Variants in IFT122 observed in about 807,000 individuals in gnomAD.
IFT122 encodes intraflagellar transport 122.
Under a neutral mutation model 161.6 loss-of-function variants are expected in IFT122, and 118 were observed. That is an observed-to-expected ratio of 0.73 (90% CI 0.63 to 0.85). The LOEUF is 0.85. Ranked by LOEUF, IFT122 falls within the 40% of genes least tolerant of loss-of-function variation. IFT122 has a pLI of 0.00. For missense variants in IFT122, 1,381 were observed against 1,579.6 expected, an observed-to-expected ratio of 0.87 and a Z score of 2.13; for synonymous variants, 550 against 602.4, an observed-to-expected ratio of 0.91 and a Z score of 1.27.
At position 129,519,752 on chromosome 3, in the gene IFT122, G is replaced by A; in HGVS notation, c.3636+20G>A. On this transcript the variant is annotated intron_variant, in intron 29 of 29. Coordinates refer to ENST00000348417, the MANE Select transcript of IFT122 (RefSeq NM_052989.3). ...TTCCAGGTAGGTGGCCACCCTGGTA[G>A]CTCACATGTGCTTCTCTTGGCCACT... 1 of 1,612,746 alleles carries A rather than the reference G, an allele frequency of 6.2e-7. No homozygotes were observed. Among genetic ancestry groups the A allele is most frequent in the Middle Eastern group, 1.6e-4 (1 of 6,062 alleles).
chr3:129,502,346 T>C (rs758447639), intron 19 of IFT122, among the ~76,000 whole-genome samples: 1 of 152,212 alleles, frequency 6.6e-6, no homozygotes, highest in African/African-American at 2.4e-5. Context: ...ATCTGAGAGA[T>C]GGAAATAATC....
chr3:129,460,501 C>A (rs1360138000), intron 4 of IFT122, among the ~76,000 whole-genome samples: 1 of 151,826 alleles, frequency 6.6e-6, no homozygotes, highest in Admixed American at 6.6e-5. Context: ...CTCAAGCAAT[C>A]CTTCTCCCTT....
intron 20 of IFT122, among the ~76,000 whole-genome samples, chr3:129,503,285 A>G (rs548070001): frequency 2.6e-5 from 4 of 152,328 alleles, no homozygotes; most frequent in African/African-American, 9.6e-5. Flanking sequence ...ATTTTGGCAG[A>G]AAGCACCATC....
chr3:129,454,554 T>TGTGTGTGTGTGC (rs1263418566), intron 3 of IFT122, among the ~76,000 whole-genome samples: 2 of 150,098 alleles, frequency 1.3e-5, no homozygotes, highest in African/African-American at 2.5e-5. Context: ...TGTGTGTGTG[T>TGTGTGTGTGTGC]GTGCATGTTT....
At chr3:129,477,897 A>C (rs1269003558) in intron 11 of IFT122, 119 bp from the exon 12 acceptor site, 1 of 815,946 alleles carries the variant, frequency 1.2e-6, no homozygotes, top group African/African-American at 1.7e-5. Context: ...AAGATTTTTC[A>C]ATGAGAGTAT....
At chr3:129,492,076 T>C (rs376626939) in intron 16 of IFT122, 65 bp from the exon 17 acceptor site, 2 of 1,243,620 alleles carry the variant, frequency 1.6e-6, no homozygotes, top group Non-Finnish European at 2.4e-6. Context: ...TTCCCACCCC[T>C]AGCCAATCAC....
intron 26 of IFT122, 127 bp downstream of exon 26, chr3:129,515,726 G>A (rs1337224173): frequency 1.5e-5 from 12 of 826,118 alleles, no homozygotes; most frequent in Non-Finnish European, 2.3e-5. Context: ...TTTATGAAAT[G>A]AGGACACTCT....
chr3:129,467,871 A>G (rs1228879214), intron 8 of IFT122, among the ~76,000 whole-genome samples: 2 of 152,204 alleles, frequency 1.3e-5, no homozygotes, highest in East Asian at 1.9e-4. Flanking sequence ...GGAGGAAGGT[A>G]TGGCTTTGGG....
intron 17 of IFT122, among the ~76,000 whole-genome samples, chr3:129,493,864 G>A (rs1422797215): frequency 1.3e-5 from 2 of 152,142 alleles, no homozygotes; most frequent in Middle Eastern, 3.2e-3. Context: ...TCAAAATGTA[G>A]TCCTCTCCTC....
intron 20 of IFT122, 57 bp downstream of exon 20, chr3:129,502,939 C>T (rs915131522): frequency 1.1e-5 from 17 of 1,562,222 alleles, no homozygotes; most frequent in Admixed American, 5.1e-5. Flanking sequence ...GGGACACAGG[C>T]GGGTGGGTAC....
At chr3:129,441,603 A>G (rs1457224842) in intron 1 of IFT122, among the ~76,000 whole-genome samples, 1 of 152,164 alleles carries the variant, frequency 6.6e-6, no homozygotes, top group African/African-American at 2.4e-5. Context: ...CTCAGCCACT[A>G]CATTAATTTT....
At chr3:129,467,377 C>A (rs2076920995) in intron 8 of IFT122, among the ~76,000 whole-genome samples, 1 of 152,110 alleles carries the variant, frequency 6.6e-6, no homozygotes, top group Non-Finnish European at 1.5e-5. Context: ...TTCGTGTGTT[C>A]ATATAATTAA....
At chr3:129,477,704 T>C (rs72988851) in intron 11 of IFT122, among the ~76,000 whole-genome samples, 5,488 of 152,284 alleles carry the variant, frequency 0.036, 306 homozygotes, top group African/African-American at 0.11. Context: ...TTAGGCAGGC[T>C]TCTGATCACC....
intron 15 of IFT122, among the ~76,000 whole-genome samples, chr3:129,484,241 G>GC (rs1239498170): frequency 6.6e-6 from 1 of 152,072 alleles, no homozygotes. Context: ...ACAGACAGGC[G>GC]CCTGAGATTG....
chr3:129,448,916 C>G (rs2074390466), intron 1 of IFT122, among the ~76,000 whole-genome samples: 1 of 152,158 alleles, frequency 6.6e-6, no homozygotes, highest in African/African-American at 2.4e-5. Context: ...CCAGGCTGGT[C>G]TCGAACTCCT....
At chr3:129,516,274 C>CACAG (rs2083560352) in intron 26 of IFT122, among the ~76,000 whole-genome samples, 1 of 142,772 alleles carries the variant, frequency 7.0e-6, no homozygotes, top group African/African-American at 2.7e-5. Context: ...TACACACACA[C>CACAG]AGATTGCTCC....
intron 23 of IFT122, among the ~76,000 whole-genome samples, chr3:129,508,549 A>G (rs1216529646): frequency 6.6e-6 from 1 of 152,232 alleles, no homozygotes; most frequent in Non-Finnish European, 1.5e-5. Flanking sequence ...GCGGTTTCAG[A>G]CTGAATTTTA....
intron 20 of IFT122, 110 bp downstream of exon 20, chr3:129,502,992 A>G (rs932668525): frequency 9.9e-7 from 1 of 1,005,308 alleles, no homozygotes. Context: ...TGCCCTCGTG[A>G]TGGAAGGAAC....
At chr3:129,459,726 TTCCC>T (rs2076011974) in intron 4 of IFT122, among the ~76,000 whole-genome samples, 3 of 51,948 alleles carry the variant, frequency 5.8e-5, no homozygotes, top group African/African-American at 1.8e-4. Flanking sequence ...CCTTCCTTCC[TTCCC>T]TCCCTCCCTC....
Sources: allele counts gnomAD v4.1 joint callset (sites outside exome capture counted in the v4.1 genomes callset), GRCh38; gene constraint gnomAD v4.1.1; transcripts MANE v1.5; gene names NCBI Gene and HGNC (gene_info 2026-07-23, HGNC 2026-07-21).